The following DPF3 variants were observed in gnomAD, a reference collection of about 807,000 sequenced individuals.
DPF3 encodes the protein double PHD fingers 3, also known as zinc finger protein DPF3.
DPF3 carries 18 observed loss-of-function variants against 56.8 expected under a neutral mutation model. The ratio of observed to expected loss-of-function variants is 0.32; its 90% CI spans 0.22 to 0.47. DPF3 has a LOEUF of 0.47. Ranked by LOEUF, DPF3 falls within the 20% of genes least tolerant of loss-of-function variation. The pLI, the probability that DPF3 is intolerant of heterozygous loss-of-function variation, is 1.00. For synonymous variants in DPF3, 188 were observed against 180.2 expected (o/e 1.04, Z -0.35); for missense variants, 403 against 488.8 (o/e 0.82, Z 1.65).
At chr14:72,837,112 C>T (rs956346410) in intron 1 of DPF3, among the ~76,000 whole-genome samples, 1 of 151,862 alleles carries the variant, frequency 6.6e-6, no homozygotes, top group Non-Finnish European at 1.5e-5. Flanking sequence ...CTCAAGTGAT[C>T]CACCCGTCTC....
At chr14:72,740,416 G>C (rs1364228769) in intron 3 of DPF3, among the ~76,000 whole-genome samples, 1 of 152,324 alleles carries the variant, frequency 6.6e-6, no homozygotes, top group East Asian at 1.9e-4. Flanking sequence ...TAATGAGTTT[G>C]GTGCTTGGGG....
At chr14:72,837,369 T>C (rs1000437585) in intron 1 of DPF3, among the ~76,000 whole-genome samples, 1 of 152,140 alleles carries the variant, frequency 6.6e-6, no homozygotes, top group African/African-American at 2.4e-5. Flanking sequence ...ATGAAAAGCA[T>C]TTTTTTGGGG....
intron 6 of DPF3, among the ~76,000 whole-genome samples, chr14:72,697,066 CAGTT>C (rs1237647771): frequency 1.6e-3 from 48 of 29,920 alleles, no homozygotes; most frequent in African/African-American, 7.7e-3. Context: ...CAGTTATTAG[CAGTT>C]ATTAGCAGAA....
rs375803449 is a variant in DPF3, at chr14:72,663,006, G to A, written c.871+11234C>T. 5.4e-4 allele frequency among the ~76,000 whole-genome samples: 82 copies of A among 151,726 alleles called. 1 individual carries two copies. Among genetic ancestry groups the A allele is most frequent in the Middle Eastern group, 6.8e-3 (2 of 294 alleles). On this transcript the variant is annotated intron_variant, in intron 8 of 10. Coordinates refer to ENST00000556509, the MANE Select transcript of DPF3 (RefSeq NM_001280542.3). ...TTGCCAAGTTAATGAGGCTAGGCCA[G>A]GTGCAACAAAAATCAGGGTAGTGTG...
intron 8 of DPF3, among the ~76,000 whole-genome samples, chr14:72,669,113 A>G (rs1365346109): frequency 6.6e-6 from 1 of 152,264 alleles, no homozygotes; most frequent in Non-Finnish European, 1.5e-5. Context: ...CATCTCAAGC[A>G]TGAGAAAAGT....
At chr14:72,671,560 A>G (rs917689055) in intron 8 of DPF3, 1 of 730,536 alleles carries the variant, frequency 1.4e-6, no homozygotes, top group East Asian at 2.7e-5. Flanking sequence ...CATCATCTCT[A>G]CCATAGTACA....
At chr14:72,878,308 C>T (rs879673657) in intron 1 of DPF3, among the ~76,000 whole-genome samples, 1 of 152,206 alleles carries the variant, frequency 6.6e-6, no homozygotes, top group African/African-American at 2.4e-5. Context: ...GAGAAAGGCC[C>T]TCACTTGAGC....
intron 1 of DPF3, among the ~76,000 whole-genome samples, chr14:72,819,385 A>G (rs1381814271): frequency 2.0e-5 from 3 of 152,208 alleles, no homozygotes; most frequent in Admixed American, 6.5e-5. Context: ...TATGTCAAAA[A>G]AGAGACATAC....
At chr14:72,712,434 G>C (rs1888694655) in intron 6 of DPF3, among the ~76,000 whole-genome samples, 1 of 152,190 alleles carries the variant, frequency 6.6e-6, no homozygotes, top group Non-Finnish European at 1.5e-5. Flanking sequence ...TGAAGTCAGA[G>C]AAAAGGGCAC....
chr14:72,771,177 AAAT>A (rs1307083526), intron 2 of DPF3, among the ~76,000 whole-genome samples: 1 of 152,136 alleles, frequency 6.6e-6, no homozygotes, highest in African/African-American at 2.4e-5. Context: ...AAAAAAAAAA[AAAT>A]AACAATAATA....
chr14:72,631,392 G>T (rs1462094634), intron 8 of DPF3, among the ~76,000 whole-genome samples: 2 of 152,210 alleles, frequency 1.3e-5, no homozygotes, highest in Non-Finnish European at 1.5e-5. Flanking sequence ...TCAAAGATTG[G>T]TCTAAGAAGA....
rs148298918 is a variant in DPF3, at chr14:72,874,366, C to T, written c.32+19691G>A. Among the ~76,000 whole-genome samples the T allele has an allele frequency of 4.1e-3, 627 of 151,850 alleles. 5 individuals carry two copies. The highest frequency in any genetic ancestry group is 0.014 in the African/African-American group (580 of 41,390). ...TGGTGATGCACACCTATAGTCCCAG[C>T]TACTCGAAAGGCTAAGGCAGGAGAA... On this transcript the variant is annotated intron_variant, in intron 1 of 10. Transcript: ENST00000556509.
At chr14:72,845,811 G>T (rs572020578) in intron 1 of DPF3, among the ~76,000 whole-genome samples, 2 of 152,136 alleles carry the variant, frequency 1.3e-5, no homozygotes, top group African/African-American at 4.8e-5. Flanking sequence ...AACGAGAAGG[G>T]TTCTCTTTTC....
intron 8 of DPF3, among the ~76,000 whole-genome samples, chr14:72,668,143 C>T (rs1191259365): frequency 1.3e-5 from 2 of 152,020 alleles, no homozygotes; most frequent in Non-Finnish European, 2.9e-5. Flanking sequence ...ATATCACATC[C>T]ACCACTAAAG....
chr14:72,835,923 C>A (rs1884273461), intron 1 of DPF3, among the ~76,000 whole-genome samples: 1 of 152,168 alleles, frequency 6.6e-6, no homozygotes, highest in African/African-American at 2.4e-5. Flanking sequence ...CATGGTTCAT[C>A]CCCCTTATTT....
chr14:72,639,130 T>G (rs1482884961), intron 8 of DPF3, among the ~76,000 whole-genome samples: 1 of 152,232 alleles, frequency 6.6e-6, no homozygotes, highest in Non-Finnish European at 1.5e-5. Flanking sequence ...ATCATTTTAG[T>G]CTAATTTTGA....
intron 1 of DPF3, among the ~76,000 whole-genome samples, chr14:72,788,206 C>T (rs1892288647): frequency 6.6e-6 from 1 of 152,216 alleles, no homozygotes; most frequent in Non-Finnish European, 1.5e-5. Context: ...AACTCCTCCT[C>T]CCCATGGCAG....
intron 6 of DPF3, among the ~76,000 whole-genome samples, chr14:72,703,180 A>C (rs889439498): frequency 5.3e-5 from 8 of 151,976 alleles, no homozygotes; most frequent in African/African-American, 1.9e-4. Context: ...CCCACCCTGC[A>C]CGATTGGCAG....
At chr14:72,767,976 A>T (rs1891362119) in intron 2 of DPF3, among the ~76,000 whole-genome samples, 1 of 152,168 alleles carries the variant, frequency 6.6e-6, no homozygotes, top group South Asian at 2.1e-4. Context: ...ATCACTAACC[A>T]TCAGAAAGAA....
Sources: gnomAD v4.1 joint callset for allele counts (sites outside exome capture counted in the v4.1 genomes callset) on GRCh38, gnomAD v4.1.1 for gene constraint, MANE v1.5 for transcripts, NCBI Gene and HGNC (gene_info 2026-07-23, HGNC 2026-07-21) for gene names.